Variants in HHLA1 observed in about 807,000 individuals in gnomAD.
HHLA1 encodes the protein HERV-H LTR-associating protein 1.
A neutral mutation model predicts 69.9 loss-of-function variants in HHLA1; 72 were observed. That is an observed-to-expected ratio of 1.03 (90% CI 0.85 to 1.25). The LOEUF is 1.25. HHLA1 is among the 50% of genes most tolerant of loss of function. The pLI, the probability that HHLA1 is intolerant of heterozygous loss-of-function variation, is 0.00. For missense variants in HHLA1, 685 were observed against 642.2 expected (o/e 1.07, Z -0.72); for synonymous variants, 252 against 233.2 (o/e 1.08, Z -0.73).
chr8:132,065,604 C>T (rs577361348), intron 16 of HHLA1, among the ~76,000 whole-genome samples: 86 of 152,306 alleles, frequency 5.6e-4, no homozygotes, highest in African/African-American at 1.9e-3. Context: ...TTTTAGCTTA[C>T]ATAGGAGCTC....
At chr8:132,106,041 C>T (rs772357436) in intron 1 of HHLA1, among the ~76,000 whole-genome samples, 8 of 152,098 alleles carry the variant, frequency 5.3e-5, no homozygotes, top group Non-Finnish European at 8.8e-5. Flanking sequence ...TTTCTGTGTG[C>T]CAGATGCCAC....
chr8:132,089,748 C>A (rs976155955), intron 7 of HHLA1, 149 bp from the exon 8 acceptor site: 1 of 613,080 alleles, frequency 1.6e-6, no homozygotes, highest in African/African-American at 1.9e-5. Flanking sequence ...AGAAATACTA[C>A]TAATTCTAAA....
intron 13 of HHLA1, 53 bp downstream of exon 13, chr8:132,076,422 C>A: frequency 1.5e-6 from 1 of 664,360 alleles, no homozygotes; most frequent in Non-Finnish European, 2.7e-6. Context: ...CCAAGCTTCC[C>A]ACCCCTCCCA....
intron 2 of HHLA1, 90 bp from the exon 3 acceptor site, chr8:132,104,257 A>T: frequency 1.1e-6 from 1 of 877,274 alleles, no homozygotes; most frequent in Non-Finnish European, 1.8e-6. Flanking sequence ...TACAGATGAG[A>T]GAATTATGAT....
intron 15 of HHLA1, among the ~76,000 whole-genome samples, chr8:132,066,791 CA>C (rs1200294837): frequency 6.6e-6 from 1 of 152,186 alleles, no homozygotes. Flanking sequence ...TAGGAAAGTG[CA>C]AAGCTGAGGA....
At position 132,087,640 on chromosome 8, in the gene HHLA1, G is replaced by A; in HGVS notation, c.676+13C>T. 1 of 1,535,832 alleles carries A rather than the reference G, an allele frequency of 6.5e-7. No homozygotes were observed. On this transcript the variant is annotated intron_variant, in intron 10 of 16. Transcript: ENST00000414222. ...GAGAGTCTATGGGAGGAGTTTGGGA[G>A]GTTGGTACTCACCCAGAACACCAGA... is the stretch of plus-strand genomic sequence containing the variant.
At chr8:132,067,266 T>C (rs1217720538) in intron 15 of HHLA1, among the ~76,000 whole-genome samples, 1 of 152,198 alleles carries the variant, frequency 6.6e-6, no homozygotes, top group Non-Finnish European at 1.5e-5. Context: ...TTCTCCCCTC[T>C]ACTGCCCTCC....
intron 10 of HHLA1, chr8:132,080,250 G>C (rs771877463): frequency 2.1e-5 from 10 of 467,674 alleles, no homozygotes; most frequent in South Asian, 9.1e-5. Context: ...ATGTGCGTCC[G>C]TGTGAAGAGA....
chr8:132,088,025 CTT>C, intron 8 of HHLA1, 124 bp from the exon 9 acceptor site: 3 of 744,520 alleles, frequency 4.0e-6, no homozygotes, highest in Non-Finnish European at 6.8e-6. Flanking sequence ...AAGCCTGACT[CTT>C]TACTCTTAAG....
chr8:132,074,391 C>T (rs1277501409), intron 14 of HHLA1, among the ~76,000 whole-genome samples: 1 of 151,490 alleles, frequency 6.6e-6, no homozygotes, highest in Non-Finnish European at 1.5e-5. Context: ...GGAATAAGCA[C>T]AAGCTTTGAA....
At chr8:132,103,784 G>A (rs1044929843) in intron 3 of HHLA1, among the ~76,000 whole-genome samples, 11 of 152,108 alleles carry the variant, frequency 7.2e-5, no homozygotes, top group African/African-American at 2.7e-4. Context: ...CCATTGTACT[G>A]CAAAGTGAAT....
chr8:132,106,078 A>G (rs371953722), intron 1 of HHLA1, among the ~76,000 whole-genome samples: 1 of 152,218 alleles, frequency 6.6e-6, no homozygotes, highest in African/African-American at 2.4e-5. Flanking sequence ...TGCATACTTG[A>G]TAACTGTACA....
chr8:132,100,148 A>G lies in HHLA1; in HGVS notation c.140-14T>C, dbSNP rs1294064976. 2.6e-6 allele frequency: 4 copies of G among 1,537,050 alleles called. No individual in the cohort carries two copies. In the East Asian group the frequency reaches 7.3e-5, roughly 28 times the overall value. ...TAAGGCCAGACACTGGGAAGGAGAC[A>G]GTTTTCATGAGAAAAATGTGAGTGG... On this transcript the variant is annotated splice_polypyrimidine_tract_variant and intron_variant, in intron 3 of 16. Coordinates refer to ENST00000414222, the MANE Select transcript of HHLA1 (RefSeq NM_001145095.3).
At chr8:132,083,603 G>A (rs1256170049) in intron 10 of HHLA1, among the ~76,000 whole-genome samples, 1 of 152,168 alleles carries the variant, frequency 6.6e-6, no homozygotes, top group African/African-American at 2.4e-5. Context: ...TGAACAGTCC[G>A]ATTTTCAGTG....
chr8:132,098,979 GATA>G lies in HHLA1; in HGVS notation c.200-20_200-18del, dbSNP rs1354824068. 1.2e-5 allele frequency: 18 copies of G among 1,517,900 alleles called. No individual in the cohort carries two copies. Among genetic ancestry groups the G allele is most frequent in the Non-Finnish European group, 1.4e-5 (16 of 1,125,132 alleles). The allele number at this position is 1,517,900 out of a possible 1,614,324, so 94.0% of individuals were successfully genotyped here. A position where few individuals can be genotyped will look rare whatever the true frequency, so the allele number is the denominator to read the frequency against. ...CGGGCAGCTCTGAAAGAGATTCAGA[GATA>G]ATGTCACTGGCAGGCTTTTCTCGGC... is the stretch of plus-strand genomic sequence containing the variant. On this transcript the variant is annotated intron_variant, in intron 4 of 16. Coordinates refer to ENST00000414222, the MANE Select transcript of HHLA1 (RefSeq NM_001145095.3).
chr8:132,077,672 C>T, intron 12 of HHLA1, 54 bp downstream of exon 12: 5 of 1,513,632 alleles, frequency 3.3e-6, no homozygotes, highest in Non-Finnish European at 4.5e-6. Context: ...TCAAAACAGA[C>T]AATGCTAAGT....
intron 1 of HHLA1, among the ~76,000 whole-genome samples, chr8:132,107,340 G>A (rs1330540924): frequency 6.6e-6 from 1 of 151,788 alleles, no homozygotes; most frequent in Non-Finnish European, 1.5e-5. Context: ...CGCTCTTGTT[G>A]CCCAGGCTGG....
intron 16 of HHLA1, among the ~76,000 whole-genome samples, 178 bp from the exon 17 acceptor site, chr8:132,064,216 G>A (rs998409069): frequency 2.0e-5 from 3 of 152,204 alleles, no homozygotes; most frequent in African/African-American, 7.2e-5. Context: ...AAAGACTCAT[G>A]CAAGACCCCA....
At chr8:132,079,640 T>G (rs1823704832) in intron 11 of HHLA1, 78 bp downstream of exon 11, 17 of 1,417,278 alleles carry the variant, frequency 1.2e-5, no homozygotes, top group Non-Finnish European at 1.5e-5. Flanking sequence ...AGGTAAGGAT[T>G]TTGCTTATAT....
Sources: allele counts gnomAD v4.1 joint callset (sites outside exome capture counted in the v4.1 genomes callset), GRCh38; gene constraint gnomAD v4.1.1; transcripts MANE v1.5; gene names NCBI Gene and HGNC (gene_info 2026-07-23, HGNC 2026-07-21).